Variants in TRPM7 observed in about 807,000 individuals in gnomAD.
The protein encoded by TRPM7 is transient receptor potential cation channel subfamily M member 7.
A neutral mutation model predicts 229.7 loss-of-function variants in TRPM7; 134 were observed. The ratio of observed to expected loss-of-function variants is 0.58; its 90% CI spans 0.51 to 0.67. TRPM7 has a LOEUF of 0.67. Among genes scored for constraint, TRPM7 ranks in the 30% least tolerant of loss-of-function variants. The probability of loss-of-function intolerance (pLI) is 0.00; values close to 1 mark genes in which losing one functional copy is unlikely to be tolerated. For missense variants in TRPM7, 1,901 were observed against 2,210.0 expected (o/e 0.86, Z 2.80); for synonymous variants, 699 against 715.2 (o/e 0.98, Z 0.36).
chr15:50,601,608 C>A (rs1382175084), intron 21 of TRPM7, among the ~76,000 whole-genome samples: 1 of 152,030 alleles, frequency 6.6e-6, no homozygotes, highest in African/African-American at 2.4e-5. Context: ...CGCCACTGAA[C>A]TCCAGCCTGG....
At chr15:50,649,319 G>A (rs2061353118) in intron 3 of TRPM7, among the ~76,000 whole-genome samples, 1 of 152,090 alleles carries the variant, frequency 6.6e-6, no homozygotes, top group South Asian at 2.1e-4. Flanking sequence ...TACACCTGTA[G>A]TCCCAGCTAC....
chr15:50,572,007 C>A (rs2053914361), intron 36 of TRPM7, among the ~76,000 whole-genome samples: 1 of 152,278 alleles, frequency 6.6e-6, no homozygotes, highest in South Asian at 2.1e-4. Flanking sequence ...ATGTGGCAAA[C>A]TTCACTGTGG....
Position 50,603,555 on chromosome 15 carries a change from A to G in TRPM7, c.2988+1311T>C, listed in dbSNP as rs59632984. ...TCAATTCCCACCTATGAGTGAGAAC[A>G]TGCGGTGTTTGGTTTTCTGTCCTTG... On this transcript the variant is annotated intron_variant, in intron 21 of 38. Transcript: ENST00000646667. Among the ~76,000 whole-genome samples the G allele has an allele frequency of 1.7e-3, 263 of 151,712 alleles. 5 individuals are homozygous for G. The highest frequency in any genetic ancestry group is 6.3e-3 in the African/African-American group (259 of 41,356).
intron 16 of TRPM7, among the ~76,000 whole-genome samples, chr15:50,611,999 A>T (rs2060074174): frequency 6.6e-6 from 1 of 152,266 alleles, no homozygotes. Context: ...CTTATAACAC[A>T]GCTCCAACTT....
At chr15:50,603,000 C>T (rs1036695717) in intron 21 of TRPM7, among the ~76,000 whole-genome samples, 3 of 152,144 alleles carry the variant, frequency 2.0e-5, no homozygotes, top group Non-Finnish European at 4.4e-5. Context: ...GCTACAACAC[C>T]TTTTTTGCAT....
At chr15:50,566,053 G>C (rs1171227781) in intron 38 of TRPM7, among the ~76,000 whole-genome samples, 1 of 151,950 alleles carries the variant, frequency 6.6e-6, no homozygotes, top group Non-Finnish European at 1.5e-5. Context: ...TCGACCTCCT[G>C]ACTTCAGGTG....
chr15:50,617,769 C>T (rs1440862903), intron 13 of TRPM7, among the ~76,000 whole-genome samples: 5 of 151,950 alleles, frequency 3.3e-5, no homozygotes, highest in African/African-American at 1.2e-4. Flanking sequence ...CTCAGTGCCC[C>T]CCACACCCCC....
chr15:50,648,977 C>A, intron 3 of TRPM7, 92 bp from the exon 4 acceptor site: 1 of 930,638 alleles, frequency 1.1e-6, no homozygotes, highest in Non-Finnish European at 1.5e-6. Context: ...CAAATATAAG[C>A]TTTAAAATTT....
intron 4 of TRPM7, among the ~76,000 whole-genome samples, chr15:50,644,078 A>G (rs62017196): frequency 0.15 from 22,217 of 152,216 alleles, 2,209 homozygotes; most frequent in Admixed American, 0.28. Flanking sequence ...ATTTAAAAAG[A>G]TATATTTAAT....
At chr15:50,607,775 G>T (rs11637228) in intron 19 of TRPM7, among the ~76,000 whole-genome samples, 52,951 of 151,484 alleles carry the variant, frequency 0.35, 10,442 homozygotes, top group Admixed American at 0.48. Flanking sequence ...GGCACGCCGC[G>T]GTGGCTCACG....
chr15:50,671,498 T>C (rs1476168535), intron 1 of TRPM7, among the ~76,000 whole-genome samples: 1 of 152,154 alleles, frequency 6.6e-6, no homozygotes, highest in Non-Finnish European at 1.5e-5. Flanking sequence ...AAGATTATAA[T>C]GGACCTGAAA....
rs145910576 is a variant in TRPM7, at chr15:50,598,888, T to C, written c.3163+234A>G. Among the ~76,000 whole-genome samples the C allele has an allele frequency of 6.8e-3, 1,038 of 152,296 alleles. 7 individuals carry two copies. The highest frequency in any genetic ancestry group is 0.011 in the South Asian group (55 of 4,824). On this transcript the variant is annotated intron_variant, in intron 22 of 38. Transcript: ENST00000646667. ...TTATGTGAGTTAATAAATGCCCTTA[T>C]TGTGTCCTAGGACAGTTTAGACTAG...
intron 1 of TRPM7, among the ~76,000 whole-genome samples, chr15:50,666,310 C>A (rs1364487927): frequency 6.6e-6 from 1 of 151,740 alleles, no homozygotes; most frequent in Non-Finnish European, 1.5e-5. Context: ...TGTGATGGCA[C>A]GTGCCTGTAG....
At chr15:50,633,067 T>C in intron 8 of TRPM7, 75 bp from the exon 9 acceptor site, 2 of 1,383,526 alleles carry the variant, frequency 1.4e-6, no homozygotes. Context: ...TACAGGTAGA[T>C]CCATGTAAGA....
At chr15:50,676,940 C>T (rs1458764474) in intron 1 of TRPM7, among the ~76,000 whole-genome samples, 1 of 152,146 alleles carries the variant, frequency 6.6e-6, no homozygotes, top group African/African-American at 2.4e-5. Context: ...GGCAGCCCAG[C>T]TAAATAAAAT....
intron 1 of TRPM7, among the ~76,000 whole-genome samples, chr15:50,678,318 G>A (rs980988163): frequency 6.7e-6 from 1 of 149,340 alleles, no homozygotes; most frequent in South Asian, 2.1e-4. Flanking sequence ...TGATAAATTT[G>A]TACATGGGTC....
Position 50,614,188 on chromosome 15 carries a change from AG to A in TRPM7, c.1569del (p.Tyr524ThrfsTer12). 1 of 1,613,082 alleles carries A rather than the reference AG, an allele frequency of 6.2e-7. No homozygotes were observed. Among genetic ancestry groups the A allele is most frequent in the Non-Finnish European group, 8.5e-7 (1 of 1,179,244 alleles). ...CGTTTCCTAGTATAGGTGCATCTGT[AG>A]GTTCCTCCCATGAGATATTCAATAA... ...GLVIEYLMGG[T>X]YRCTYTRKRF... On this transcript the variant is annotated frameshift_variant, in exon 14 of 39. Transcript: ENST00000646667. LOFTEE classifies it high-confidence loss of function.
chr15:50,643,576 G>A lies in TRPM7; in HGVS notation c.322-23C>T, dbSNP rs759756678. On this transcript the variant is annotated intron_variant, in intron 4 of 38. Transcript: ENST00000646667. ...ATACTAGAAAAAGATTTTAAAAGGA[G>A]AAAATAATTGAACATGTTCACAGGT... is the stretch of plus-strand genomic sequence containing the variant. The A allele has an allele frequency of 3.8e-6, 6 of 1,587,834 alleles. No homozygotes were observed. The African/African-American group carries it at 8.1e-5, about 21-fold the overall frequency.
At chr15:50,580,981 AAC>A in intron 29 of TRPM7, 73 bp from the exon 30 acceptor site, 1 of 1,473,858 alleles carries the variant, frequency 6.8e-7, no homozygotes, top group Non-Finnish European at 9.1e-7. Flanking sequence ...ATAACGGTTT[AAC>A]TTTTTTTCTT....
Sources: allele counts gnomAD v4.1 joint callset (sites outside exome capture counted in the v4.1 genomes callset), GRCh38; gene constraint gnomAD v4.1.1; transcripts MANE v1.5; gene names NCBI Gene and HGNC (gene_info 2026-07-23, HGNC 2026-07-21).